Variants in COL5A2 observed in about 807,000 individuals in gnomAD.
COL5A2 encodes collagen type V alpha 2 chain.
A neutral mutation model predicts 208.2 loss-of-function variants in COL5A2; 23 were observed. The observed-to-expected ratio is 0.11, with a 90% CI of 0.08 to 0.16. COL5A2 has a LOEUF of 0.16. COL5A2 is among the 10% of genes least tolerant of loss of function. The probability of loss-of-function intolerance (pLI) is 1.00; values close to 1 mark genes in which losing one functional copy is unlikely to be tolerated. For missense variants in COL5A2, 1,590 were observed against 1,956.4 expected (o/e 0.81, Z 3.53); for synonymous variants, 625 against 628.5 (o/e 0.99, Z 0.08).
At chr2:189,240,086 G>A in the COL5A2 span, among the ~76,000 whole-genome samples, 3 of 152,164 alleles carry the variant, frequency 2.0e-5, no homozygotes, top group Non-Finnish European at 4.4e-5. Flanking sequence ...TCAAGTTAAT[G>A]ATATACGTGA....
intron 18 of COL5A2, among the ~76,000 whole-genome samples, chr2:189,069,292 A>T (rs555444426): frequency 3.3e-5 from 5 of 152,230 alleles, no homozygotes; most frequent in Non-Finnish European, 7.3e-5. Flanking sequence ...CACCTCAGGC[A>T]CACTGAGTCT....
At chr2:189,038,553 G>A (rs1348505463) in intron 51 of COL5A2, among the ~76,000 whole-genome samples, 1 of 152,156 alleles carries the variant, frequency 6.6e-6, no homozygotes, top group African/African-American at 2.4e-5. Flanking sequence ...CCAAATCACA[G>A]GATTGCTGGG....
chr2:189,228,263 A>G (rs1022800823), upstream of COL5A2, among the ~76,000 whole-genome samples: 1 of 151,884 alleles, frequency 6.6e-6, no homozygotes, highest in Non-Finnish European at 1.5e-5. Flanking sequence ...ATAGAAAAAA[A>G]AGCTAAACAT....
At chr2:189,316,485 A>G in the COL5A2 span, among the ~76,000 whole-genome samples, 7 of 152,254 alleles carry the variant, frequency 4.6e-5, no homozygotes, top group South Asian at 1.5e-3. Flanking sequence ...ACAAATCTGC[A>G]TGTCCTGAAG....
At chr2:189,211,195 TA>T (rs1307275600) in intron 1 of COL5A2, among the ~76,000 whole-genome samples, 1 of 152,176 alleles carries the variant, frequency 6.6e-6, no homozygotes, top group East Asian at 1.9e-4. Context: ...AGAGATCATC[TA>T]AAATGGGAGT....
chr2:189,051,217 G>A (rs1685779439), intron 42 of COL5A2, 103 bp downstream of exon 42: 1 of 1,453,122 alleles, frequency 6.9e-7, no homozygotes, highest in Non-Finnish European at 9.6e-7. Context: ...TTAGGAATGT[G>A]CCCAGCATAA....
chr2:189,160,891 C>T (rs555707146), intron 1 of COL5A2, among the ~76,000 whole-genome samples: 4 of 140,988 alleles, frequency 2.8e-5, no homozygotes, highest in African/African-American at 8.0e-5. Context: ...AGTGCAATGG[C>T]GCGATCTCAG....
chr2:189,218,109 A>G (rs911987272), intron 1 of COL5A2, among the ~76,000 whole-genome samples: 21 of 152,172 alleles, frequency 1.4e-4, no homozygotes, highest in Admixed American at 1.2e-3. Context: ...ACGTTATGCT[A>G]ACAGATACAC....
At chr2:189,140,766 G>T (rs1284864558) in intron 1 of COL5A2, among the ~76,000 whole-genome samples, 1 of 152,050 alleles carries the variant, frequency 6.6e-6, no homozygotes, top group Non-Finnish European at 1.5e-5. Flanking sequence ...CATAGCTCTA[G>T]TAATTACCAT....
At chr2:189,103,245 T>C (rs998917518) in intron 3 of COL5A2, among the ~76,000 whole-genome samples, 2 of 152,086 alleles carry the variant, frequency 1.3e-5, no homozygotes, top group African/African-American at 4.8e-5. Flanking sequence ...TGAAATAGCA[T>C]TTGCAGCCCT....
At chr2:189,281,442 T>C in the COL5A2 span, among the ~76,000 whole-genome samples, 1 of 152,172 alleles carries the variant, frequency 6.6e-6, no homozygotes, top group Non-Finnish European at 1.5e-5. Flanking sequence ...TGGAGCTGCT[T>C]ATATGAGTAA....
In COL5A2 at chr2:189,033,375, T is replaced by C. The variant is rs1177272327; in HGVS notation, c.*695A>G. The C allele has an allele frequency of 2.0e-5, 3 of 152,772 alleles. No homozygotes were observed. The highest frequency in any genetic ancestry group is 4.4e-5 in the Non-Finnish European group (3 of 68,178). 9.5% of individuals were successfully genotyped at this position (152,772 alleles called of 1,614,324 possible). On this transcript the variant is annotated 3_prime_UTR_variant, in exon 54 of 54. Coordinates refer to ENST00000374866, the MANE Select transcript of COL5A2 (RefSeq NM_000393.5). ...TGAATGAGAAAGATGTCTAAACTTA[T>C]AGTCTTTTACAAAAATTTAAGAAGT...
At chr2:189,219,573 A>C (rs1173034128) in intron 1 of COL5A2, among the ~76,000 whole-genome samples, 1 of 152,214 alleles carries the variant, frequency 6.6e-6, no homozygotes, top group Non-Finnish European at 1.5e-5. Context: ...CTTAGGCAAG[A>C]AAGTGTAGAT....
At position 189,052,224 on chromosome 2, in the gene COL5A2, C is replaced by T. The variant is rs773326951; in HGVS notation, c.2717G>A (p.Gly906Asp). ...KGGRGTQGPP[G>D]ATGFPGSAGR... ...CGCAGAACCAGGAAATCCTGTAGCA[C>T]CCTAGAACCAGAATATCATATAAGC... Residue 906 changes from glycine to aspartate, a missense_variant and splice_region_variant, in exon 41 of 54, where the codon GGT (glycine) becomes GAT (aspartate). Physicochemically the swap from Gly to Asp is moderately conservative, Grantham distance 94. Transcript: ENST00000374866. 6.2e-7 allele frequency: 1 copy of T among 1,613,710 alleles called. No homozygotes were observed.
the COL5A2 span, among the ~76,000 whole-genome samples, chr2:189,231,573 T>C: frequency 6.6e-6 from 1 of 151,650 alleles, no homozygotes; most frequent in Admixed American, 6.6e-5. Context: ...ATTATGTTCA[T>C]ACAGAACAAG....
intron 16 of COL5A2, among the ~76,000 whole-genome samples, chr2:189,076,379 A>G (rs1359884820): frequency 6.6e-6 from 1 of 152,216 alleles, no homozygotes; most frequent in Admixed American, 6.5e-5. Context: ...CCGCGATGGC[A>G]CAATGGAAAA....
At chr2:189,429,492 T>C in the COL5A2 span, among the ~76,000 whole-genome samples, 1 of 152,188 alleles carries the variant, frequency 6.6e-6, no homozygotes, top group Admixed American at 6.5e-5. Flanking sequence ...AAAGTATAAC[T>C]TCAGTTTCAC....
the COL5A2 span, among the ~76,000 whole-genome samples, chr2:189,334,101 GAATA>G: frequency 1.1e-3 from 164 of 151,892 alleles, no homozygotes; most frequent in African/African-American, 3.8e-3. Context: ...AGCAAATTAG[GAATA>G]GATAGGAATT....
chr2:189,167,697 CT>C (rs1225008164), intron 1 of COL5A2, among the ~76,000 whole-genome samples: 1 of 145,136 alleles, frequency 6.9e-6, no homozygotes, highest in African/African-American at 2.6e-5. Context: ...CTGGGAGCTG[CT>C]TTGTAAATCC....
Sources: gnomAD v4.1 joint callset for allele counts (sites outside exome capture counted in the v4.1 genomes callset) on GRCh38, gnomAD v4.1.1 for gene constraint, MANE v1.5 for transcripts, NCBI Gene and HGNC (gene_info 2026-07-23, HGNC 2026-07-21) for gene names.